RIN2: variants seen among roughly 807,000 people sequenced by gnomAD.
RIN2 encodes Ras and Rab interactor 2.
RIN2 carries 36 observed loss-of-function variants against 78.0 expected under a neutral mutation model. The observed-to-expected ratio is 0.46, with a 90% CI of 0.35 to 0.61. The LOEUF is 0.61. RIN2 is among the 20% of genes least tolerant of loss of function. RIN2 has a pLI of 0.00. For synonymous variants in RIN2, 466 were observed against 466.8 expected, an observed-to-expected ratio of 1.00 and a Z score of 0.02; for missense variants, 1,087 against 1,159.7, an observed-to-expected ratio of 0.94 and a Z score of 0.91.
intron 4 of RIN2, among the ~76,000 whole-genome samples, chr20:19,952,716 A>G (rs1378530367): frequency 6.6e-6 from 1 of 152,202 alleles, no homozygotes; most frequent in Non-Finnish European, 1.5e-5. Flanking sequence ...CATGAGCATC[A>G]CGATTGTCAT....
At chr20:19,933,923 C>T (rs985155677) in intron 3 of RIN2, among the ~76,000 whole-genome samples, 4 of 152,166 alleles carry the variant, frequency 2.6e-5, no homozygotes, top group African/African-American at 9.7e-5. Flanking sequence ...ATTCTCCTAC[C>T]TCAGCCTCTG....
intron 3 of RIN2, among the ~76,000 whole-genome samples, chr20:19,891,907 T>G (rs1487854564): frequency 6.6e-6 from 1 of 152,268 alleles, no homozygotes; most frequent in Non-Finnish European, 1.5e-5. Flanking sequence ...AGGGGCCCAA[T>G]GTACTACCTA....
At chr20:19,883,328 AAGAG>A (rs2038083398) in intron 2 of RIN2, among the ~76,000 whole-genome samples, 1 of 147,450 alleles carries the variant, frequency 6.8e-6, no homozygotes. Flanking sequence ...CTACTCCAGA[AAGAG>A]AGGACTTTTT....
intron 4 of RIN2, among the ~76,000 whole-genome samples, chr20:19,951,194 T>C (rs1319978836): frequency 6.6e-6 from 1 of 152,128 alleles, no homozygotes; most frequent in East Asian, 1.9e-4. Context: ...TTTATAGATC[T>C]TTTTATACTG....
At chr20:19,794,359 C>T (rs1244567204) in intron 1 of RIN2, among the ~76,000 whole-genome samples, 1 of 152,004 alleles carries the variant, frequency 6.6e-6, no homozygotes, top group Non-Finnish European at 1.5e-5. Flanking sequence ...AGTTCGAGCC[C>T]AGCCTGGCCA....
intron 8 of RIN2, among the ~76,000 whole-genome samples, chr20:19,973,669 G>A (rs542642622): frequency 1.4e-4 from 22 of 152,220 alleles, no homozygotes; most frequent in African/African-American, 4.8e-4. Flanking sequence ...TGCGCCTGTA[G>A]TCCCAGCTAC....
Position 19,975,902 on chromosome 20 carries a change from C to T in RIN2, c.1762+115C>T. 1 of 965,514 alleles carries T rather than the reference C, an allele frequency of 1.0e-6. No homozygotes were observed. Among genetic ancestry groups the T allele is most frequent in the Non-Finnish European group, 1.6e-6 (1 of 620,116 alleles). 59.8% of individuals were successfully genotyped at this position (965,514 alleles called of 1,614,324 possible). On this transcript the variant is annotated intron_variant, in intron 9 of 12. Coordinates refer to ENST00000255006, the MANE Select transcript of RIN2 (RefSeq NM_018993.4). The surrounding 1 kb of genome is among the most constrained non-coding windows in gnomAD (Gnocchi z 4.9). The stretch of plus-strand genomic sequence containing the variant: ...CCGAAGTTCAAAACAACACCCAGCT[C>T]CACCTTCTCTCCCGGTTTGAATGGA...
At chr20:19,862,501 G>A (rs1479635109) in intron 2 of RIN2, among the ~76,000 whole-genome samples, 1 of 152,180 alleles carries the variant, frequency 6.6e-6, no homozygotes, top group Non-Finnish European at 1.5e-5. Flanking sequence ...GCTGAGGCAG[G>A]AGAATCGCTT....
intron 2 of RIN2, among the ~76,000 whole-genome samples, chr20:19,874,148 T>G (rs2037784704): frequency 6.6e-6 from 1 of 152,130 alleles, no homozygotes; most frequent in Admixed American, 6.6e-5. Flanking sequence ...AACAACTGTT[T>G]AAGGGCAAGA....
chr20:19,830,629 A>T (rs1002626344), intron 2 of RIN2, among the ~76,000 whole-genome samples: 1 of 152,252 alleles, frequency 6.6e-6, no homozygotes, highest in African/African-American at 2.4e-5. Context: ...ATAAAGCATG[A>T]ACAACTGCCA....
Position 19,780,059 on chromosome 20 carries a change from C to T in RIN2, c.-162-19563C>T, listed in dbSNP as rs142814692. Among the ~76,000 whole-genome samples the T allele has an allele frequency of 4.2e-3, 634 of 152,212 alleles. 3 individuals are homozygous for T. Among genetic ancestry groups the T allele is most frequent in the African/African-American group, 0.014 (589 of 41,538 alleles). On this transcript the variant is annotated intron_variant, in intron 1 of 12. Transcript: ENST00000255006. Reference sequence around the variant, plus strand: ...TCTACTCATTGTATATGATTTGAACCGTTCAGAAAAATACAGAAACAAAAA... The same window carrying T: ...TCTACTCATTGTATATGATTTGAACTGTTCAGAAAAATACAGAAACAAAAA...
chr20:19,898,134 A>C (rs1250362871), intron 3 of RIN2, among the ~76,000 whole-genome samples: 1 of 152,198 alleles, frequency 6.6e-6, no homozygotes, highest in Non-Finnish European at 1.5e-5. Context: ...ATCGAACAGA[A>C]ATTCCTTTTC....
intron 3 of RIN2, 116 bp from the exon 4 acceptor site, chr20:19,934,982 AG>A: frequency 3.1e-5 from 20 of 639,460 alleles, no homozygotes; most frequent in South Asian, 9.2e-5. Flanking sequence ...AAAAAAAAAA[AG>A]AAATAGAAAA....
intron 11 of RIN2, among the ~76,000 whole-genome samples, chr20:19,995,258 T>C (rs1422879405): frequency 2.2e-5 from 3 of 139,148 alleles, no homozygotes; most frequent in African/African-American, 3.1e-5. Context: ...TCTGTTTTTT[T>C]TTTAAAAAAA....
chr20:19,878,700 C>T (rs13036781), intron 2 of RIN2, among the ~76,000 whole-genome samples: 6,247 of 152,158 alleles, frequency 0.041, 392 homozygotes, highest in African/African-American at 0.14. Flanking sequence ...TCATGGGTGG[C>T]ACGAAAACCC....
intron 5 of RIN2, among the ~76,000 whole-genome samples, chr20:19,957,313 C>G (rs2041583310): frequency 6.6e-6 from 1 of 152,324 alleles, no homozygotes; most frequent in South Asian, 2.1e-4. Context: ...ATGGTTTCCT[C>G]AGCTACTGTC....
intron 2 of RIN2, among the ~76,000 whole-genome samples, chr20:19,875,398 C>T (rs2037825273): frequency 6.6e-6 from 1 of 152,048 alleles, no homozygotes; most frequent in Non-Finnish European, 1.5e-5. Context: ...AACTCCTGAC[C>T]TTGTGATCTG....
intron 9 of RIN2, among the ~76,000 whole-genome samples, chr20:19,988,317 G>A (rs1324212259): frequency 1.1e-4 from 16 of 152,080 alleles, no homozygotes; most frequent in African/African-American, 3.4e-4. Context: ...ATGGGATTTC[G>A]CTGTGTTGGC....
At chr20:19,829,193 A>G (rs543862700) in intron 2 of RIN2, among the ~76,000 whole-genome samples, 1 of 152,064 alleles carries the variant, frequency 6.6e-6, no homozygotes, top group South Asian at 2.1e-4. Context: ...TGAAGAGTAC[A>G]TGAGCATTTT....
Sources: gnomAD v4.1 joint callset for allele counts (sites outside exome capture counted in the v4.1 genomes callset) on GRCh38, gnomAD v4.1.1 for gene constraint, Gnocchi (gnomAD v3.1) non-coding constraint, MANE v1.5 for transcripts, NCBI Gene and HGNC (gene_info 2026-07-23, HGNC 2026-07-21) for gene names.